Variants in PAMR1 observed in about 807,000 individuals in gnomAD.
PAMR1 encodes the protein inactive serine protease PAMR1.
Under a neutral mutation model 81.8 loss-of-function variants are expected in PAMR1, and 88 were observed. That is an observed-to-expected ratio of 1.08 (90% CI 0.91 to 1.28). The LOEUF (loss-of-function observed/expected upper bound fraction) is 1.28, where lower values mean the gene tolerates loss of function less well. PAMR1 is among the 50% of genes most tolerant of loss of function. PAMR1 has a pLI of 0.00. For missense variants in PAMR1, 935 were observed against 919.7 expected, an observed-to-expected ratio of 1.02 and a Z score of -0.21; for synonymous variants, 336 against 345.3, an observed-to-expected ratio of 0.97 and a Z score of 0.30.
At chr11:35,449,656 G>A (rs920135201) in intron 6 of PAMR1, among the ~76,000 whole-genome samples, 43 of 152,284 alleles carry the variant, frequency 2.8e-4, no homozygotes, top group African/African-American at 1.0e-3. Flanking sequence ...TCTCCAGCCT[G>A]CTGCCACTGG....
intron 3 of PAMR1, among the ~76,000 whole-genome samples, chr11:35,480,664 T>C (rs2135388539): frequency 6.6e-6 from 1 of 152,336 alleles, no homozygotes; most frequent in Non-Finnish European, 1.5e-5. Context: ...TAAATACTTT[T>C]CAAATCTCTC....
intron 6 of PAMR1, among the ~76,000 whole-genome samples, chr11:35,462,966 A>C (rs920641807): frequency 6.6e-6 from 1 of 152,154 alleles, no homozygotes; most frequent in Non-Finnish European, 1.5e-5. Flanking sequence ...AAAGGCAGTA[A>C]AAATTCCATT....
At chr11:35,488,640 T>C (rs1367477392) in intron 3 of PAMR1, among the ~76,000 whole-genome samples, 4 of 151,774 alleles carry the variant, frequency 2.6e-5, no homozygotes, top group African/African-American at 9.7e-5. Context: ...TGTATTCTTT[T>C]TGTCCATTTT....
intron 3 of PAMR1, among the ~76,000 whole-genome samples, chr11:35,479,926 G>A (rs569148769): frequency 7.9e-5 from 12 of 152,320 alleles, no homozygotes; most frequent in Non-Finnish European, 1.6e-4. Flanking sequence ...CTGGTTCATA[G>A]TAAGTACTAC....
At chr11:35,525,014 G>A (rs548902592) in intron 1 of PAMR1, among the ~76,000 whole-genome samples, 1 of 152,070 alleles carries the variant, frequency 6.6e-6, no homozygotes, top group Non-Finnish European at 1.5e-5. Flanking sequence ...TACTCCGAAG[G>A]GGTATGGCTG....
At chr11:35,494,331 G>C (rs1850684661) in intron 1 of PAMR1, 59 bp from the exon 2 acceptor site, 1 of 1,247,588 alleles carries the variant, frequency 8.0e-7, no homozygotes, top group Non-Finnish European at 1.1e-6. Context: ...AAGACTCTTT[G>C]TTTGTTTGTT....
intron 5 of PAMR1, 42 bp downstream of exon 5, chr11:35,470,559 G>A (rs763234069): frequency 4.2e-6 from 6 of 1,432,196 alleles, no homozygotes; most frequent in South Asian, 2.3e-5. Flanking sequence ...TATTTATCTG[G>A]AGCAAGCCAT....
At chr11:35,450,052 A>G (rs943671005) in intron 6 of PAMR1, among the ~76,000 whole-genome samples, 2 of 141,440 alleles carry the variant, frequency 1.4e-5, no homozygotes, top group African/African-American at 5.3e-5. Flanking sequence ...TGGCCCCCAC[A>G]ATTATGCATT....
At position 35,432,599 on chromosome 11, in the gene PAMR1, T is replaced by G. The variant is rs146058819; in HGVS notation, c.1920A>C (p.Pro640=). 1 of 1,614,000 alleles carries G rather than the reference T, an allele frequency of 6.2e-7. No homozygotes were observed. Among genetic ancestry groups the G allele is most frequent in the African/African-American group, 1.3e-5 (1 of 74,934 alleles). Residue 640 remains proline, a synonymous_variant, in exon 11 of 11, where the codon CCA becomes CCC. Transcript: ENST00000619888. ...AGAACATGTTATCAGTGACACTCAC[T>G]GGGATGCCATGGTCCTCATGCTGCT... ...CEEQHEDHGI[P]VSVTDNMFCA... is the part of the protein sequence containing the mutation.
intron 1 of PAMR1, among the ~76,000 whole-genome samples, chr11:35,504,050 T>A (rs1850904242): frequency 6.6e-6 from 1 of 152,152 alleles, no homozygotes; most frequent in East Asian, 1.9e-4. Context: ...ATGTTCTTTC[T>A]ATGCCTAGTT....
chr11:35,436,018 C>A lies in PAMR1; in HGVS notation c.1218G>T (p.Leu406=), dbSNP rs1485769792. Residue 406 remains leucine, a synonymous_variant, in exon 9 of 11, where the codon CTG becomes CTT. Coordinates refer to ENST00000619888, the MANE Select transcript of PAMR1 (RefSeq NM_001001991.3). The part of the protein sequence containing the change: ...FGDLPMGYQH[L]HTQLQYECIS... ...TGCACTCATACTGGAGCTGGGTATG[C>A]AGATGTTGGTATCCCATGGGCAGAT... The A allele has an allele frequency of 8.1e-6, 13 of 1,613,958 alleles. No individual in the cohort carries two copies. Among genetic ancestry groups the A allele is most frequent in the Non-Finnish European group, 1.1e-5 (13 of 1,179,972 alleles).
chr11:35,460,623 C>T (rs943243414), intron 6 of PAMR1, among the ~76,000 whole-genome samples: 5 of 152,162 alleles, frequency 3.3e-5, no homozygotes, highest in Non-Finnish European at 7.3e-5. Context: ...TGGTTTCCAG[C>T]TTCATCCATG....
chr11:35,437,695 G>A (rs149651924), intron 8 of PAMR1, among the ~76,000 whole-genome samples: 15 of 152,324 alleles, frequency 9.8e-5, no homozygotes, highest in African/African-American at 2.6e-4. Flanking sequence ...TGAGAAACCC[G>A]GCACTTTGCC....
intron 6 of PAMR1, among the ~76,000 whole-genome samples, chr11:35,456,490 G>A (rs772978907): frequency 4.6e-5 from 7 of 152,156 alleles, no homozygotes; most frequent in Non-Finnish European, 8.8e-5. Flanking sequence ...AATAATCATT[G>A]GAGATTTGTT....
At chr11:35,467,868 G>T in intron 6 of PAMR1, 133 bp downstream of exon 6, 1 of 533,370 alleles carries the variant, frequency 1.9e-6, no homozygotes. Context: ...CACTCACTGG[G>T]AGTATCCACA....
At chr11:35,434,483 C>G (rs1467621550) in intron 10 of PAMR1, 29 bp downstream of exon 10, 4 of 1,595,634 alleles carry the variant, frequency 2.5e-6, no homozygotes, top group Non-Finnish European at 3.4e-6. Context: ...AGCCAGAGCC[C>G]CAGCTTCCAA....
intron 3 of PAMR1, among the ~76,000 whole-genome samples, chr11:35,485,939 T>C (rs1850493250): frequency 6.6e-6 from 1 of 152,230 alleles, no homozygotes; most frequent in Non-Finnish European, 1.5e-5. Context: ...GTCCCAGCCA[T>C]ATGTAGGCGA....
chr11:35,469,783 C>T (rs555558970), intron 5 of PAMR1, among the ~76,000 whole-genome samples: 22 of 150,872 alleles, frequency 1.5e-4, no homozygotes, highest in African/African-American at 3.9e-4. Context: ...AATACCATTA[C>T]GAGTTCTTTT....
intron 6 of PAMR1, among the ~76,000 whole-genome samples, chr11:35,445,763 T>A (rs1050189049): frequency 2.6e-5 from 4 of 152,238 alleles, no homozygotes; most frequent in African/African-American, 9.6e-5. Context: ...TTTGCATTGA[T>A]GTTTATCAGG....
Sources: gnomAD v4.1 joint callset for allele counts (sites outside exome capture counted in the v4.1 genomes callset) on GRCh38, gnomAD v4.1.1 for gene constraint, MANE v1.5 for transcripts, NCBI Gene and HGNC (gene_info 2026-07-23, HGNC 2026-07-21) for gene names.